RBFOX3: variants seen among roughly 807,000 people sequenced by gnomAD.
RBFOX3 encodes RNA binding fox-1 homolog 3.
RBFOX3 carries 17 observed loss-of-function variants against 48.7 expected under a neutral mutation model. That is an observed-to-expected ratio of 0.35 (90% CI 0.24 to 0.52). RBFOX3 has a LOEUF of 0.52. Among genes scored for constraint, RBFOX3 ranks in the 20% least tolerant of loss-of-function variants. The probability of loss-of-function intolerance (pLI) is 0.94; values close to 1 mark genes in which losing one functional copy is unlikely to be tolerated. For synonymous variants in RBFOX3, 212 were observed against 209.5 expected (o/e 1.01, Z -0.10); for missense variants, 382 against 497.5 (o/e 0.77, Z 2.21).
intron 1 of RBFOX3, among the ~76,000 whole-genome samples, chr17:79,552,690 C>T (rs1429329411): frequency 6.6e-6 from 1 of 152,204 alleles, no homozygotes; most frequent in Non-Finnish European, 1.5e-5. Context: ...TGGAGTTTAT[C>T]GAGGTGTAAA....
chr17:79,324,096 C>T (rs2078960423), intron 2 of RBFOX3, among the ~76,000 whole-genome samples: 1 of 152,128 alleles, frequency 6.6e-6, no homozygotes, highest in Admixed American at 6.5e-5. Flanking sequence ...CACAGCTCAC[C>T]TTAGCTCTGC....
At chr17:79,507,226 C>T (rs1354592751) in intron 1 of RBFOX3, among the ~76,000 whole-genome samples, 1 of 152,190 alleles carries the variant, frequency 6.6e-6, no homozygotes, top group Non-Finnish European at 1.5e-5. Flanking sequence ...CCTCTGCCAT[C>T]CCATCAGACA....
intron 4 of RBFOX3, among the ~76,000 whole-genome samples, chr17:79,180,920 C>A (rs544145810): frequency 7.2e-4 from 110 of 152,290 alleles, no homozygotes; most frequent in African/African-American, 2.5e-3. Context: ...TTTTTGCCTT[C>A]CCACTGCCCC....
the RBFOX3 span, among the ~76,000 whole-genome samples, chr17:79,627,982 C>T: frequency 6.6e-6 from 1 of 151,406 alleles, no homozygotes. Context: ...TGGGCTGCCT[C>T]TCTCTGCTGG....
intron 1 of RBFOX3, among the ~76,000 whole-genome samples, chr17:79,505,230 A>G (rs2082922993): frequency 6.6e-6 from 1 of 152,110 alleles, no homozygotes; most frequent in Admixed American, 6.5e-5. Context: ...GATCTACAGA[A>G]GACCCCGCCC....
intron 2 of RBFOX3, among the ~76,000 whole-genome samples, chr17:79,341,303 A>G (rs1598322249): frequency 6.6e-6 from 1 of 152,198 alleles, no homozygotes; most frequent in African/African-American, 2.4e-5. Flanking sequence ...TTCATGTCTC[A>G]TGTGTGTATG....
chr17:79,120,760 A>C (rs2035526666), intron 4 of RBFOX3, among the ~76,000 whole-genome samples: 1 of 133,668 alleles, frequency 7.5e-6, no homozygotes, highest in African/African-American at 2.8e-5. Context: ...ATAAATGGAT[A>C]GATGGGTGGA....
chr17:79,179,670 C>A (rs1568293766), intron 4 of RBFOX3, among the ~76,000 whole-genome samples: 1 of 152,202 alleles, frequency 6.6e-6, no homozygotes, highest in African/African-American at 2.4e-5. Flanking sequence ...ATTACCGTGA[C>A]AAAATCCCAT....
chr17:79,632,835 G>A, the RBFOX3 span, among the ~76,000 whole-genome samples: 1 of 151,934 alleles, frequency 6.6e-6, no homozygotes, highest in African/African-American at 2.4e-5. Flanking sequence ...AGGATGGCTT[G>A]GGCCTGGAGG....
At chr17:79,112,483 G>C (rs929101523) in intron 5 of RBFOX3, among the ~76,000 whole-genome samples, 8 of 152,192 alleles carry the variant, frequency 5.3e-5, no homozygotes, top group African/African-American at 1.7e-4. Context: ...CCTTTCCGGA[G>C]CTGGGGCCCA....
At chr17:79,450,759 GC>G (rs534655318) in intron 2 of RBFOX3, among the ~76,000 whole-genome samples, 147 of 152,250 alleles carry the variant, frequency 9.7e-4, no homozygotes, top group South Asian at 3.9e-3. Flanking sequence ...CCCCTGTCTG[GC>G]AAGGATTCGA....
At chr17:79,622,926 T>A in the RBFOX3 span, among the ~76,000 whole-genome samples, 1 of 152,124 alleles carries the variant, frequency 6.6e-6, no homozygotes, top group Admixed American at 6.6e-5. Flanking sequence ...CTTCCCCAGC[T>A]GCCACTCCCC....
At chr17:79,269,178 G>A (rs149691882) in intron 3 of RBFOX3, among the ~76,000 whole-genome samples, 166 of 152,324 alleles carry the variant, frequency 1.1e-3, no homozygotes, top group Middle Eastern at 3.4e-3. Context: ...GGCAGAGATT[G>A]CAGTGATGCT....
intron 4 of RBFOX3, chr17:79,136,235 T>G (rs2040161800): frequency 6.6e-6 from 1 of 152,300 alleles, no homozygotes. Context: ...CACACTGCCT[T>G]CATCCACTGC....
At chr17:79,620,099 GTGTGCATGCACGCATATGCACACATA>G in the RBFOX3 span, among the ~76,000 whole-genome samples, 1 of 125,866 alleles carries the variant, frequency 7.9e-6, no homozygotes, top group African/African-American at 4.1e-5. Flanking sequence ...ATGCACACAT[GTGTGCATGCACGCATATGCACACATA>G]CACACATGCA....
intron 2 of RBFOX3, among the ~76,000 whole-genome samples, chr17:79,417,589 G>A (rs1270443287): frequency 6.6e-6 from 1 of 152,270 alleles, no homozygotes; most frequent in Non-Finnish European, 1.5e-5. Context: ...TGGCGAGGGT[G>A]TGGGGAAGTT....
chr17:79,169,147 A>C (rs1337534722), intron 4 of RBFOX3, among the ~76,000 whole-genome samples: 1 of 152,088 alleles, frequency 6.6e-6, no homozygotes, highest in African/African-American at 2.4e-5. Flanking sequence ...GTCATTTCCT[A>C]CTTGGGATTT....
intron 2 of RBFOX3, among the ~76,000 whole-genome samples, chr17:79,455,590 C>A (rs2074334813): frequency 6.6e-6 from 1 of 152,156 alleles, no homozygotes. Context: ...TGTGCACACA[C>A]ACACACGCAC....
rs559845696 is a variant in RBFOX3 at position 79,264,094 on chromosome 17, CT to C, written c.-73-28290del. ...GGCGGGAGCGCAGCCCTGTTGGCAT[CT>C]TTTTTTTTTTTTTTAAGACGGAGTT... On this transcript the variant is annotated intron_variant, in intron 3 of 14. Transcript: ENST00000693108. Among the ~76,000 whole-genome samples, 908 of 141,652 alleles carry C rather than the reference CT, an allele frequency of 6.4e-3. 3 individuals carry two copies. Among genetic ancestry groups the C allele is most frequent in the African/African-American group, 0.016 (613 of 38,534 alleles). The allele number at this position is 141,652 out of a possible 152,430, so 92.9% of individuals were successfully genotyped here.
Sources: allele counts gnomAD v4.1 joint callset (sites outside exome capture counted in the v4.1 genomes callset), GRCh38; gene constraint gnomAD v4.1.1; transcripts MANE v1.5; gene names NCBI Gene and HGNC (gene_info 2026-07-23, HGNC 2026-07-21).